Variants in UNC13C observed in about 807,000 individuals in gnomAD.
The protein encoded by UNC13C is protein unc-13 homolog C.
Under a neutral mutation model 245.4 loss-of-function variants are expected in UNC13C, and 174 were observed. That is an observed-to-expected ratio of 0.71 (90% confidence interval 0.63 to 0.80). UNC13C has a LOEUF of 0.80. UNC13C is among the 30% of genes least tolerant of loss of function. The pLI, the probability that UNC13C is intolerant of heterozygous loss-of-function variation, is 0.00. For missense variants in UNC13C, 2,829 were observed against 2,602.9 expected (o/e 1.09, Z -1.89); for synonymous variants, 992 against 895.1 (o/e 1.11, Z -1.93).
At chr15:53,870,241 C>T in the UNC13C span, among the ~76,000 whole-genome samples, 2 of 152,146 alleles carry the variant, frequency 1.3e-5, no homozygotes, top group Non-Finnish European at 2.9e-5. Flanking sequence ...CCAAGTCTCA[C>T]CCAACAGAAA....
At chr15:54,062,183 G>T (rs919402574) in intron 2 of UNC13C, among the ~76,000 whole-genome samples, 7 of 152,030 alleles carry the variant, frequency 4.6e-5, no homozygotes, top group African/African-American at 7.2e-5. Context: ...GCCAGGCGTG[G>T]TGGCAGGCAC....
At chr15:54,304,478 G>A (rs2037671237) in intron 13 of UNC13C, among the ~76,000 whole-genome samples, 1 of 151,790 alleles carries the variant, frequency 6.6e-6, no homozygotes, top group Non-Finnish European at 1.5e-5. Context: ...TCCCAGCTTA[G>A]CAAAACTTTA....
At chr15:54,472,663 A>G (rs1892524435) in intron 19 of UNC13C, among the ~76,000 whole-genome samples, 1 of 151,868 alleles carries the variant, frequency 6.6e-6, no homozygotes, top group African/African-American at 2.4e-5. Flanking sequence ...TGCAATGTAT[A>G]GTATTATTGG....
intron 2 of UNC13C, among the ~76,000 whole-genome samples, chr15:54,121,594 A>C (rs1365735774): frequency 6.6e-6 from 1 of 151,904 alleles, no homozygotes; most frequent in Admixed American, 6.6e-5. Flanking sequence ...ACAGCTTTTT[A>C]ATTTCCCTTG....
the UNC13C span, among the ~76,000 whole-genome samples, chr15:53,953,522 A>C: frequency 6.6e-6 from 1 of 152,218 alleles, no homozygotes; most frequent in Admixed American, 6.5e-5. Flanking sequence ...AGCAAAATAG[A>C]GATTCTCCTT....
intron 2 of UNC13C, among the ~76,000 whole-genome samples, chr15:54,135,492 G>A (rs1251468537): frequency 2.0e-5 from 3 of 152,142 alleles, no homozygotes; most frequent in African/African-American, 7.2e-5. Flanking sequence ...TATAAAATAA[G>A]GATCCAATTG....
At chr15:53,893,669 C>A in the UNC13C span, among the ~76,000 whole-genome samples, 3 of 152,088 alleles carry the variant, frequency 2.0e-5, no homozygotes, top group Non-Finnish European at 4.4e-5. Flanking sequence ...ACTGCCTACA[C>A]AAGCCTCAGC....
At chr15:54,138,953 A>ATTTTTTTGTTTTTTTTTTTTT (rs2031872809) in intron 2 of UNC13C, among the ~76,000 whole-genome samples, 1 of 48,632 alleles carries the variant, frequency 2.1e-5, no homozygotes, top group Non-Finnish European at 3.5e-5. Flanking sequence ...ATTTCCCCTA[A>ATTTTTTTGTTTTTTTTTTTTT]TTTTTTTTTT....
At chr15:54,189,603 A>G (rs71474865) in intron 4 of UNC13C, among the ~76,000 whole-genome samples, 21 of 152,300 alleles carry the variant, frequency 1.4e-4, no homozygotes, top group African/African-American at 4.3e-4. Flanking sequence ...AAATGGAAAC[A>G]AGATAATTAA....
chr15:54,064,376 G>T (rs188628517), intron 2 of UNC13C, among the ~76,000 whole-genome samples: 1 of 152,252 alleles, frequency 6.6e-6, no homozygotes, highest in Admixed American at 6.5e-5. Context: ...TTGAGAACCT[G>T]TCTCTAGCTC....
At chr15:54,393,741 A>G (rs928058890) in intron 18 of UNC13C, among the ~76,000 whole-genome samples, 1 of 151,924 alleles carries the variant, frequency 6.6e-6, no homozygotes, top group African/African-American at 2.4e-5. Flanking sequence ...AAAAATCCTC[A>G]TTTTATCAAA....
At chr15:54,099,468 A>C (rs896644948) in intron 2 of UNC13C, among the ~76,000 whole-genome samples, 26 of 152,084 alleles carry the variant, frequency 1.7e-4, no homozygotes, top group African/African-American at 6.3e-4. Flanking sequence ...GTATTTCTTC[A>C]ATACATTTGC....
chr15:54,039,965 C>G (rs76773898), intron 2 of UNC13C, among the ~76,000 whole-genome samples: 1 of 152,028 alleles, frequency 6.6e-6, no homozygotes, highest in African/African-American at 2.4e-5. Flanking sequence ...ATGTCATCCT[C>G]TTTTCAAAAC....
At position 54,015,882 on chromosome 15, in the gene UNC13C, TGGAGG is replaced by T; in HGVS notation, c.2980_2983+1del. 1 of 1,576,956 alleles carries T rather than the reference TGGAGG, an allele frequency of 6.3e-7. No homozygotes were observed. Among genetic ancestry groups the T allele is most frequent in the Non-Finnish European group, 8.6e-7 (1 of 1,164,198 alleles). Reference sequence around the variant, plus strand: ...CAGAGTTGGAAGAGAAGATCTTGGCTGGAGGTATTCATGTTTAAATGCTACATTGT... The same window carrying T: ...CAGAGTTGGAAGAGAAGATCTTGGCTTATTCATGTTTAAATGCTACATTGT... On this transcript the variant is annotated splice_donor_variant and coding_sequence_variant, in exon 2 of 33. Coordinates refer to ENST00000260323, the MANE Select transcript of UNC13C (RefSeq NM_001080534.3). LOFTEE classifies it high-confidence loss of function.
rs547747515 is a variant in UNC13C, at chr15:54,293,800, T to C, written c.3819-95T>C. The stretch of plus-strand genomic sequence containing the variant: ...ATCTCATTTATTATGTAGTATATTA[T>C]GCCTTTCTAGAATAGATAGAAAATA... On this transcript the variant is annotated intron_variant, in intron 10 of 32. Transcript: ENST00000260323. 3.3e-5 allele frequency: 34 copies of C among 1,037,806 alleles called. No homozygotes were observed. In the African/African-American group the frequency reaches 4.9e-4, roughly 15 times the overall value. The allele number at this position is 1,037,806 out of a possible 1,614,324, so 64.3% of individuals were successfully genotyped here. A position where few individuals can be genotyped will look rare whatever the true frequency, so the allele number is the denominator to read the frequency against.
the UNC13C span, among the ~76,000 whole-genome samples, chr15:53,858,153 TG>T: frequency 6.6e-6 from 1 of 152,222 alleles, no homozygotes; most frequent in Non-Finnish European, 1.5e-5. Flanking sequence ...TCTATAATTT[TG>T]GTGGCTAGAT....
intron 2 of UNC13C, among the ~76,000 whole-genome samples, chr15:54,067,793 C>T (rs1898141018): frequency 6.6e-6 from 1 of 152,124 alleles, no homozygotes; most frequent in Non-Finnish European, 1.5e-5. Flanking sequence ...ATGAAGATAA[C>T]GATCCCTGTG....
At chr15:54,353,581 A>G (rs918781750) in intron 17 of UNC13C, among the ~76,000 whole-genome samples, 11 of 152,204 alleles carry the variant, frequency 7.2e-5, no homozygotes, top group African/African-American at 2.2e-4. Context: ...TGCTAAAACT[A>G]TCTTAGCTCT....
At chr15:53,924,106 C>T in the UNC13C span, among the ~76,000 whole-genome samples, 1 of 152,110 alleles carries the variant, frequency 6.6e-6, no homozygotes, top group Non-Finnish European at 1.5e-5. Context: ...ACTTGGGAGG[C>T]TGACACAGGA....
Sources: allele counts gnomAD v4.1 joint callset (sites outside exome capture counted in the v4.1 genomes callset), GRCh38; gene constraint gnomAD v4.1.1; transcripts MANE v1.5; gene names NCBI Gene and HGNC (gene_info 2026-07-23, HGNC 2026-07-21).